Variants in FRAS1 observed in about 807,000 individuals in gnomAD.
The protein encoded by FRAS1 is Fraser extracellular matrix complex subunit 1.
In FRAS1, 290 loss-of-function variants were observed where a neutral mutation model predicts 435.2. The ratio of observed to expected loss-of-function variants is 0.67; its 90% confidence interval spans 0.61 to 0.73. The LOEUF (loss-of-function observed/expected upper bound fraction) is 0.73. Ranked by LOEUF, FRAS1 falls within the 30% of genes least tolerant of loss-of-function variation. The pLI, the probability that FRAS1 is intolerant of heterozygous loss-of-function variation, is 0.00. For synonymous variants in FRAS1, 1,800 were observed against 1,851.0 expected (o/e 0.97, Z 0.71); for missense variants, 4,860 against 5,001.5 (o/e 0.97, Z 0.85).
chr4:78,372,959 T>G, intron 24 of FRAS1, 101 bp downstream of exon 24: 1 of 1,309,712 alleles, frequency 7.6e-7, no homozygotes, highest in Non-Finnish European at 1.0e-6. Flanking sequence ...CCCTTCTGGC[T>G]TTTTACCCCA....
At chr4:78,278,485 C>T (rs1411448459) in intron 9 of FRAS1, among the ~76,000 whole-genome samples, 170 bp from the exon 10 acceptor site, 1 of 152,212 alleles carries the variant, frequency 6.6e-6, no homozygotes, top group Non-Finnish European at 1.5e-5. Flanking sequence ...GTGTGGACTA[C>T]ACTTCCTATT....
intron 29 of FRAS1, among the ~76,000 whole-genome samples, chr4:78,388,400 A>G (rs1488047629): frequency 6.6e-6 from 1 of 151,864 alleles, no homozygotes; most frequent in Non-Finnish European, 1.5e-5. Flanking sequence ...AATCTGAATG[A>G]CTCAAAAACG....
At position 78,438,620 on chromosome 4, in the gene FRAS1, C is replaced by G. The variant is rs749126411; in HGVS notation, c.5268C>G (p.Pro1756=). ...PEIWIQLNYL[P]SYGTLLRISG... ...TCTGGATTCAGTTAAATTATCTGCC[C>G]TCATATGGTACTCTCTTAAGAATCT... Residue 1756 remains proline, a synonymous_variant, in exon 39 of 74, where the codon CCC becomes CCG. Transcript: ENST00000512123. 12 of 1,613,738 alleles carry G rather than the reference C, an allele frequency of 7.4e-6. 1 individual carries two copies. The South Asian group carries it at 1.1e-4, about 15-fold the overall frequency.
chr4:78,462,208 C>G (rs1259224239), intron 47 of FRAS1, among the ~76,000 whole-genome samples: 1 of 152,116 alleles, frequency 6.6e-6, no homozygotes, highest in Non-Finnish European at 1.5e-5. Context: ...AACCCAGTCT[C>G]TACTAAAAAT....
intron 2 of FRAS1, among the ~76,000 whole-genome samples, chr4:78,172,142 C>T (rs1009121158): frequency 6.6e-6 from 1 of 152,116 alleles, no homozygotes; most frequent in Non-Finnish European, 1.5e-5. Context: ...CTCACTGTTT[C>T]CCTGTAGTGT....
At chr4:78,277,205 C>A (rs1378454636) in intron 9 of FRAS1, among the ~76,000 whole-genome samples, 1 of 152,178 alleles carries the variant, frequency 6.6e-6, no homozygotes, top group African/African-American at 2.4e-5. Context: ...TTTCCAGGTG[C>A]CGTCTGTCAC....
chr4:78,164,643 G>T (rs140516583), intron 2 of FRAS1, among the ~76,000 whole-genome samples: 1 of 151,972 alleles, frequency 6.6e-6, no homozygotes, highest in Non-Finnish European at 1.5e-5. Flanking sequence ...TGTTAAAAAC[G>T]TTTTTAAAAA....
intron 2 of FRAS1, among the ~76,000 whole-genome samples, chr4:78,149,033 T>C (rs935725150): frequency 6.6e-6 from 1 of 152,208 alleles, no homozygotes; most frequent in African/African-American, 2.4e-5. Flanking sequence ...TCAATATTGC[T>C]GTTTCTTTAT....
At chr4:78,375,713 T>C (rs921494360) in intron 25 of FRAS1, 26 bp from the exon 26 acceptor site, 1 of 1,535,238 alleles carries the variant, frequency 6.5e-7, no homozygotes, top group Non-Finnish European at 8.7e-7. Flanking sequence ...TGATTGAGCC[T>C]CATTTAGTGT....
intron 41 of FRAS1, 74 bp downstream of exon 41, chr4:78,441,371 T>C (rs1265188195): frequency 1.4e-6 from 2 of 1,390,246 alleles, no homozygotes. Context: ...TGCTTCCAGC[T>C]AAAGATGGAG....
chr4:78,069,520 C>T (rs1311792040), intron 2 of FRAS1, among the ~76,000 whole-genome samples: 8 of 152,148 alleles, frequency 5.3e-5, no homozygotes, highest in Non-Finnish European at 1.5e-5. Flanking sequence ...GACCCTTCCT[C>T]TTCTGTTACA....
chr4:78,066,087 G>A, intron 2 of FRAS1, 71 bp downstream of exon 2: 2 of 1,021,298 alleles, frequency 2.0e-6, no homozygotes, highest in Admixed American at 3.6e-5. Context: ...TCCTGAGTGA[G>A]TGAGTTGACC....
At chr4:78,535,831 A>G (rs1436064783) in intron 71 of FRAS1, among the ~76,000 whole-genome samples, 1 of 152,124 alleles carries the variant, frequency 6.6e-6, no homozygotes, top group African/African-American at 2.4e-5. Flanking sequence ...TATATATTCA[A>G]GTCCAGCCTC....
intron 2 of FRAS1, among the ~76,000 whole-genome samples, chr4:78,203,448 T>G (rs899132504): frequency 2.6e-5 from 4 of 152,242 alleles, no homozygotes; most frequent in Non-Finnish European, 5.9e-5. Context: ...TTTGGTCATA[T>G]TCAACATGGT....
chr4:78,410,650 A>G (rs1385566902), intron 31 of FRAS1, among the ~76,000 whole-genome samples: 1 of 152,226 alleles, frequency 6.6e-6, no homozygotes, highest in Non-Finnish European at 1.5e-5. Context: ...GGATTAAAAA[A>G]TATAGCTAAA....
chr4:78,193,033 C>A (rs935407889), intron 2 of FRAS1, among the ~76,000 whole-genome samples: 1 of 152,160 alleles, frequency 6.6e-6, no homozygotes, highest in Non-Finnish European at 1.5e-5. Context: ...GTTATGTACC[C>A]AGCAGTCATT....
At chr4:78,502,746 A>G (rs867499938) in intron 61 of FRAS1, among the ~76,000 whole-genome samples, 1 of 152,140 alleles carries the variant, frequency 6.6e-6, no homozygotes, top group Non-Finnish European at 1.5e-5. Flanking sequence ...AACTTCCAAT[A>G]CTGTGTTGAA....
chr4:78,197,753 A>T (rs1722876460), intron 2 of FRAS1, among the ~76,000 whole-genome samples: 1 of 152,128 alleles, frequency 6.6e-6, no homozygotes, highest in South Asian at 2.1e-4. Flanking sequence ...CATCCTGGCT[A>T]ACACGGTGAA....
intron 2 of FRAS1, among the ~76,000 whole-genome samples, chr4:78,123,460 G>C (rs74733098): frequency 1.3e-5 from 2 of 152,158 alleles, no homozygotes; most frequent in African/African-American, 2.4e-5. Flanking sequence ...GGCTATGCAG[G>C]CTCTTTTTTG....
Sources: gnomAD v4.1 joint callset for allele counts (sites outside exome capture counted in the v4.1 genomes callset) on GRCh38, gnomAD v4.1.1 for gene constraint, MANE v1.5 for transcripts, NCBI Gene and HGNC (gene_info 2026-07-23, HGNC 2026-07-21) for gene names.